The following SCARA3 variants were observed in gnomAD, a reference collection of about 807,000 sequenced individuals.
SCARA3 encodes scavenger receptor class A member 3, also known as cellular stress response gene protein.
A neutral mutation model predicts 47.0 loss-of-function variants in SCARA3; 39 were observed. The ratio of observed to expected loss-of-function variants is 0.83; its 90% CI spans 0.64 to 1.08. The LOEUF is 1.08. Among genes scored for constraint, SCARA3 ranks in the 50% least tolerant of loss-of-function variants. The pLI is 0.00. For missense variants in SCARA3, 724 were observed against 792.3 expected (o/e 0.91, Z 1.04); for synonymous variants, 356 against 334.1 (o/e 1.07, Z -0.71).
At chr8:27,695,317 GA>G in the SCARA3 span, among the ~76,000 whole-genome samples, 1 of 152,216 alleles carries the variant, frequency 6.6e-6, no homozygotes, top group Non-Finnish European at 1.5e-5. Flanking sequence ...GTTTTTCACA[GA>G]TTTGCCATAA....
At chr8:27,733,459 C>T in the SCARA3 span, 1 of 152,204 alleles carries the variant, frequency 6.6e-6, no homozygotes, top group African/African-American at 2.4e-5. Context: ...CACACGTGCC[C>T]GGCAGGAAGG....
At chr8:27,685,315 T>C in the SCARA3 span, among the ~76,000 whole-genome samples, 1 of 152,176 alleles carries the variant, frequency 6.6e-6, no homozygotes, top group African/African-American at 2.4e-5. Flanking sequence ...GGTTTAAATA[T>C]TCCCACAAGG....
In SCARA3 at chr8:27,671,144, C is replaced by A. The variant is rs772593961; in HGVS notation, c.1614C>A (p.Gly538=). 1 of 1,560,796 alleles carries A rather than the reference C, an allele frequency of 6.4e-7. No individual in the cohort carries two copies. Among genetic ancestry groups the A allele is most frequent in the South Asian group, 1.2e-5 (1 of 85,672 alleles). The change falls in exon 6 of 6, where the codon GGC becomes GGA. Residue 538 remains glycine (G), a synonymous_variant. Coordinates refer to ENST00000301904, the MANE Select transcript of SCARA3 (RefSeq NM_016240.3). The part of the protein sequence containing the change: ...FGTGGPRGQP[G]PKGDIGPPGP... ...CTGGAGGGCCGAGAGGACAGCCAGG[C>A]CCAAAAGGGGACATAGGGCCCCCAG...
chr8:27,686,080 A>G, the SCARA3 span, among the ~76,000 whole-genome samples: 1 of 152,260 alleles, frequency 6.6e-6, no homozygotes, highest in African/African-American at 2.4e-5. Flanking sequence ...AAAGCAAATT[A>G]TAAATAAAAG....
the SCARA3 span, among the ~76,000 whole-genome samples, chr8:27,710,917 T>G: frequency 6.8e-5 from 2 of 29,576 alleles, no homozygotes; most frequent in East Asian, 3.4e-3. Context: ...CATAGGTGAT[T>G]TTTTTTTTTT....
At chr8:27,731,156 G>A in the SCARA3 span, among the ~76,000 whole-genome samples, 1 of 150,138 alleles carries the variant, frequency 6.7e-6, no homozygotes, top group Admixed American at 6.6e-5. Flanking sequence ...CTGGAGTGCA[G>A]TGGTGCTATC....
chr8:27,694,225 A>C, the SCARA3 span, among the ~76,000 whole-genome samples: 1 of 152,166 alleles, frequency 6.6e-6, no homozygotes, highest in Non-Finnish European at 1.5e-5. Flanking sequence ...TTCATAGGGG[A>C]ATAATGAGGA....
the SCARA3 span, among the ~76,000 whole-genome samples, chr8:27,719,667 A>G: frequency 6.6e-6 from 1 of 152,224 alleles, no homozygotes; most frequent in Non-Finnish European, 1.5e-5. Context: ...AAAAGACTAA[A>G]CAACACTGCC....
At chr8:27,706,979 A>G in the SCARA3 span, among the ~76,000 whole-genome samples, 1 of 152,200 alleles carries the variant, frequency 6.6e-6, no homozygotes, top group African/African-American at 2.4e-5. Context: ...TAGCAGTCAA[A>G]TACCTACTCC....
the SCARA3 span, among the ~76,000 whole-genome samples, chr8:27,691,633 C>G: frequency 1.3e-5 from 2 of 152,100 alleles, no homozygotes; most frequent in African/African-American, 4.8e-5. Flanking sequence ...GCACAAATAG[C>G]CCTTTTGTCA....
chr8:27,671,746 A>T lies in SCARA3; in HGVS notation c.*395A>T, dbSNP rs1802170984. On this transcript the variant is annotated 3_prime_UTR_variant, in exon 6 of 6. Coordinates refer to ENST00000301904, the MANE Select transcript of SCARA3 (RefSeq NM_016240.3). ...CATGCACACACACATGCACACATATATGCACAGGCACACACATGTACGCAC... is the reference window on the plus strand; with the variant it reads ...CATGCACACACACATGCACACATATTTGCACAGGCACACACATGTACGCAC... 9.8e-6 allele frequency: 10 copies of T among 1,015,908 alleles called. No individual in the cohort carries two copies. Among genetic ancestry groups the T allele is most frequent in the Non-Finnish European group, 1.2e-5 (10 of 850,182 alleles). The allele number at this position is 1,015,908 out of a possible 1,614,324, so 62.9% of individuals were successfully genotyped here.
At chr8:27,715,684 G>T in the SCARA3 span, among the ~76,000 whole-genome samples, 1 of 152,052 alleles carries the variant, frequency 6.6e-6, no homozygotes, top group African/African-American at 2.4e-5. This position sits in a 1 kb window ranked among gnomAD's most constrained non-coding sequence, Gnocchi z 4.2. Flanking sequence ...CTGACAGATA[G>T]ATGATTGATA....
At chr8:27,646,437 C>T (rs889720277) in intron 1 of SCARA3, among the ~76,000 whole-genome samples, 1 of 152,180 alleles carries the variant, frequency 6.6e-6, no homozygotes, top group African/African-American at 2.4e-5. Flanking sequence ...TGATTTAAGT[C>T]ATCCCAGATT....
At chr8:27,633,689 G>A (rs538969316), upstream of SCARA3, among the ~76,000 whole-genome samples, 35 of 152,070 alleles carry the variant, frequency 2.3e-4, no homozygotes, top group East Asian at 6.8e-3. Context: ...GGGGGCGCAC[G>A]GGCGAGGTAG....
chr8:27,675,145 C>G (rs986017837), downstream of SCARA3, among the ~76,000 whole-genome samples: 2 of 152,190 alleles, frequency 1.3e-5, no homozygotes, highest in Non-Finnish European at 2.9e-5. Flanking sequence ...GGCGACCTCA[C>G]CACCTCTCCA....
intron 3 of SCARA3, among the ~76,000 whole-genome samples, chr8:27,653,443 G>A (rs1801676150): frequency 6.6e-6 from 1 of 152,182 alleles, no homozygotes; most frequent in South Asian, 2.1e-4. Flanking sequence ...AGACCTTTGG[G>A]TTTCCTTTTT....
At chr8:27,668,487 C>G (rs967876245) in intron 5 of SCARA3, among the ~76,000 whole-genome samples, 1 of 148,740 alleles carries the variant, frequency 6.7e-6, no homozygotes, top group East Asian at 2.0e-4. Flanking sequence ...TTGCAGTGAG[C>G]CGAGATTGCG....
chr8:27,697,587 C>T, the SCARA3 span: 1 of 152,214 alleles, frequency 6.6e-6, no homozygotes, highest in Non-Finnish European at 1.5e-5. Flanking sequence ...AGAAAGAACC[C>T]TCCCGATATG....
the SCARA3 span, among the ~76,000 whole-genome samples, chr8:27,699,494 T>C: frequency 6.6e-6 from 1 of 152,104 alleles, no homozygotes; most frequent in African/African-American, 2.4e-5. Flanking sequence ...CGTAAGCCAC[T>C]GTGCCAGGCC....
Sources: gnomAD v4.1 joint callset for allele counts (sites outside exome capture counted in the v4.1 genomes callset) on GRCh38, gnomAD v4.1.1 for gene constraint, Gnocchi (gnomAD v3.1) non-coding constraint, MANE v1.5 for transcripts, NCBI Gene and HGNC (gene_info 2026-07-23, HGNC 2026-07-21) for gene names.